Variants in SERINC3 observed in about 807,000 individuals in gnomAD.
SERINC3 encodes the protein tumor differentially expressed protein 1.
A neutral mutation model predicts 52.1 loss-of-function variants in SERINC3; 22 were observed. The observed-to-expected ratio is 0.42, with a 90% CI of 0.30 to 0.60. The LOEUF is 0.60. SERINC3 is among the 20% of genes least tolerant of loss of function. The pLI is 0.16. For synonymous variants in SERINC3, 226 were observed against 212.7 expected, an observed-to-expected ratio of 1.06 and a Z score of -0.54; for missense variants, 564 against 584.6, an observed-to-expected ratio of 0.96 and a Z score of 0.36.
intron 5 of SERINC3, among the ~76,000 whole-genome samples, chr20:44,507,281 T>C (rs567641118): frequency 6.6e-6 from 1 of 152,346 alleles, no homozygotes; most frequent in East Asian, 1.9e-4. Context: ...TAGAGTTTAC[T>C]GCTACCTATA....
At chr20:44,513,218 G>A (rs902864162) in intron 2 of SERINC3, among the ~76,000 whole-genome samples, 13 of 152,118 alleles carry the variant, frequency 8.5e-5, no homozygotes, top group Non-Finnish European at 1.6e-4. Flanking sequence ...GGGCACGGTG[G>A]CTCACATCTG....
chr20:44,514,117 A>G, intron 1 of SERINC3, 77 bp from the exon 2 acceptor site: 2 of 1,460,782 alleles, frequency 1.4e-6, no homozygotes, highest in South Asian at 1.4e-5. Flanking sequence ...CAGAAGAGAA[A>G]GCGAGGCAAA....
chr20:44,519,138 T>C (rs1378193159), intron 1 of SERINC3, among the ~76,000 whole-genome samples: 2 of 152,158 alleles, frequency 1.3e-5, no homozygotes, highest in Admixed American at 1.3e-4. Flanking sequence ...AGGAAGATTC[T>C]TCCCAGCCTA....
At chr20:44,496,970 C>G (rs923513149), downstream of SERINC3, among the ~76,000 whole-genome samples, 1 of 152,174 alleles carries the variant, frequency 6.6e-6, no homozygotes, top group Non-Finnish European at 1.5e-5. Flanking sequence ...AGATAACCCG[C>G]AAGACCAACC....
intron 6 of SERINC3, 69 bp downstream of exon 6, chr20:44,506,758 A>G: frequency 9.5e-7 from 1 of 1,054,036 alleles, no homozygotes; most frequent in South Asian, 2.7e-5. Flanking sequence ...TTCATAAGAA[A>G]GGGTACCTAG....
chr20:44,511,261 A>G, intron 4 of SERINC3, 28 bp downstream of exon 4: 1 of 1,476,648 alleles, frequency 6.8e-7, no homozygotes, highest in South Asian at 1.1e-5. Context: ...TATAGTTTAA[A>G]ATTAACCCCC....
chr20:44,511,070 C>T (rs909540945), intron 4 of SERINC3, among the ~76,000 whole-genome samples: 1 of 151,780 alleles, frequency 6.6e-6, no homozygotes, highest in Admixed American at 6.6e-5. Context: ...TGCACCACCA[C>T]GCCTGGCTAA....
At chr20:44,519,408 G>A (rs1406388463) in intron 1 of SERINC3, 16 of 980,918 alleles carry the variant, frequency 1.6e-5, no homozygotes, top group Non-Finnish European at 1.8e-5. Context: ...CAACTCACCA[G>A]GATTTTCTAA....
At chr20:44,514,688 G>A (rs1418072526) in intron 1 of SERINC3, among the ~76,000 whole-genome samples, 1 of 152,160 alleles carries the variant, frequency 6.6e-6, no homozygotes, top group Non-Finnish European at 1.5e-5. Flanking sequence ...ATGAACCCAG[G>A]AGGCGGAGCT....
chr20:44,507,486 AT>A (rs2064322047), intron 5 of SERINC3, among the ~76,000 whole-genome samples: 1 of 152,216 alleles, frequency 6.6e-6, no homozygotes, highest in Non-Finnish European at 1.5e-5. Flanking sequence ...ATCACAAACA[AT>A]AAGACTGTCC....
chr20:44,510,330 AG>A (rs1254269576), intron 4 of SERINC3, among the ~76,000 whole-genome samples: 1 of 152,242 alleles, frequency 6.6e-6, no homozygotes, highest in Non-Finnish European at 1.5e-5. Context: ...TGCCATGCTT[AG>A]GAAGTAGGTT....
chr20:44,505,614 C>T (rs955201680), intron 6 of SERINC3, among the ~76,000 whole-genome samples: 32 of 147,044 alleles, frequency 2.2e-4, no homozygotes, highest in Admixed American at 1.8e-3. Flanking sequence ...AGCCATCACG[C>T]CAAGCTGGAG....
chr20:44,512,722 T>A, intron 3 of SERINC3, 79 bp downstream of exon 3: 4 of 1,118,902 alleles, frequency 3.6e-6, no homozygotes, highest in Non-Finnish European at 5.0e-6. Flanking sequence ...ATTGATTTCA[T>A]CAGAATGGCT....
chr20:44,520,299 G>A (rs543414542), intron 1 of SERINC3, among the ~76,000 whole-genome samples: 64 of 152,272 alleles, frequency 4.2e-4, no homozygotes, highest in African/African-American at 1.4e-3. Context: ...TCCCTTGGAG[G>A]TTGAAGAGAG....
chr20:44,506,990 A>C lies in SERINC3; in HGVS notation c.620T>G (p.Leu207Arg), dbSNP rs368231435. Reference protein sequence around the residue: ...GNPRLWYAALLSFTSAFYILS... With the variant: ...GNPRLWYAALRSFTSAFYILS... ...GATATAAAAGGCGCTTGTGAAAGACAGTAAAGCTGGAGAAAGGGAAACCAA... is the reference window on the plus strand; with the variant it reads ...GATATAAAAGGCGCTTGTGAAAGACCGTAAAGCTGGAGAAAGGGAAACCAA... Residue 207 changes from leucine (L) to arginine (R), a missense_variant, in exon 6 of 10, where the codon CTG becomes CGG. Coordinates refer to ENST00000342374, the MANE Select transcript of SERINC3 (RefSeq NM_006811.4). 71 of 1,593,440 alleles carry C rather than the reference A, an allele frequency of 4.5e-5. No homozygotes were observed. Among genetic ancestry groups the C allele is most frequent in the African/African-American group, 2.3e-4 (17 of 73,906 alleles).
intron 5 of SERINC3, among the ~76,000 whole-genome samples, chr20:44,507,817 C>T (rs886110037): frequency 6.6e-6 from 1 of 152,098 alleles, no homozygotes; most frequent in African/African-American, 2.4e-5. Context: ...TGCAGTGAGC[C>T]GAGATGGTGC....
chr20:44,521,879 C>G, intron 1 of SERINC3, 34 bp downstream of exon 1: 1 of 1,594,934 alleles, frequency 6.3e-7, no homozygotes. Flanking sequence ...CCGCAAACCG[C>G]AGGTCCGGCG....
intron 1 of SERINC3, among the ~76,000 whole-genome samples, 167 bp downstream of exon 1, chr20:44,521,746 G>A (rs1229006609): frequency 1.3e-5 from 2 of 152,242 alleles, no homozygotes; most frequent in Admixed American, 1.3e-4. Flanking sequence ...CGCCTAAGCT[G>A]GACCTGAGGG....
Position 44,503,865 on chromosome 20 carries a change from T to C in SERINC3, c.1005A>G (p.Ser335=), listed in dbSNP as rs1277543923. 1 of 1,590,490 alleles carries C rather than the reference T, an allele frequency of 6.3e-7. No homozygotes were observed. The highest frequency in any genetic ancestry group is 8.5e-7 in the Non-Finnish European group (1 of 1,171,988). ...AGACAAACAGTCCAATAAAATTATC[T>C]GAATCCAGTAAAGACCCACTCTTTG... The part of the protein sequence containing the change: ...PPSKSGSLLD[S]DNFIGLFVFV... Residue 335 remains serine (S), a synonymous_variant, in exon 8 of 10, where the codon TCA becomes TCG. Coordinates refer to ENST00000342374, the MANE Select transcript of SERINC3 (RefSeq NM_006811.4).
Sources: allele counts gnomAD v4.1 joint callset (sites outside exome capture counted in the v4.1 genomes callset), GRCh38; gene constraint gnomAD v4.1.1; transcripts MANE v1.5; gene names NCBI Gene and HGNC (gene_info 2026-07-23, HGNC 2026-07-21).